MMP16: variants seen among roughly 807,000 people sequenced by gnomAD.
The protein encoded by MMP16 is matrix metallopeptidase 16.
Under a neutral mutation model 67.8 loss-of-function variants are expected in MMP16, and 12 were observed. That is an observed-to-expected ratio of 0.18 (90% CI 0.11 to 0.29). The LOEUF is 0.29. Ranked by LOEUF, MMP16 falls within the 10% of genes least tolerant of loss-of-function variation. MMP16 has a pLI of 1.00. For missense variants in MMP16, 475 were observed against 765.7 expected, an observed-to-expected ratio of 0.62 and a Z score of 4.48; for synonymous variants, 249 against 255.9, an observed-to-expected ratio of 0.97 and a Z score of 0.26.
At chr8:88,174,464 T>C (rs941793295) in intron 3 of MMP16, among the ~76,000 whole-genome samples, 12 of 152,222 alleles carry the variant, frequency 7.9e-5, no homozygotes, top group Non-Finnish European at 1.0e-4. Flanking sequence ...TTAATGAATT[T>C]ATTCAACAAC....
intron 6 of MMP16, among the ~76,000 whole-genome samples, chr8:88,115,172 A>G (rs920309197): frequency 6.6e-6 from 1 of 152,080 alleles, no homozygotes; most frequent in African/African-American, 2.4e-5. Flanking sequence ...AAAGCCTGCA[A>G]TGTTGAAATT....
In MMP16 at chr8:88,106,233, T is replaced by C. The variant is rs555988181; in HGVS notation, c.1083+10274A>G. On this transcript the variant is annotated intron_variant, in intron 6 of 9. Coordinates refer to ENST00000286614, the MANE Select transcript of MMP16 (RefSeq NM_005941.5). The stretch of plus-strand genomic sequence containing the variant: ...ATCTGGGTATGAGTGTGTATCTGGG[T>C]ATACATAGGAATCTGGGTATAAGTA... Among the ~76,000 whole-genome samples the C allele has an allele frequency of 5.9e-5, 9 of 151,284 alleles. 1 individual carries two copies. The South Asian group carries it at 1.7e-3, about 28-fold the overall frequency.
intron 1 of MMP16, 197 bp downstream of exon 1, chr8:88,326,878 G>T: frequency 1.8e-6 from 1 of 560,966 alleles, no homozygotes; most frequent in Admixed American, 3.1e-5. Context: ...TGTGCTGCCG[G>T]GGATAACGGA....
rs140813625 is a variant in MMP16, at chr8:88,076,483, A to G, written c.1084-1740T>C. 3.2e-4 allele frequency among the ~76,000 whole-genome samples: 48 copies of G among 152,268 alleles called. No homozygotes were observed. In the East Asian group the frequency reaches 6.4e-3, roughly 20 times the overall value. On this transcript the variant is annotated intron_variant, in intron 6 of 9. Coordinates refer to ENST00000286614, the MANE Select transcript of MMP16 (RefSeq NM_005941.5). ...ACGTATCTCATTCCAACCAATTTGTAAAAAATGTTTTTCTCCTTTTCTTGA... is the reference window on the plus strand; with the variant it reads ...ACGTATCTCATTCCAACCAATTTGTGAAAAATGTTTTTCTCCTTTTCTTGA...
At chr8:88,297,170 T>C (rs1023445164) in intron 1 of MMP16, among the ~76,000 whole-genome samples, 2 of 152,128 alleles carry the variant, frequency 1.3e-5, no homozygotes, top group African/African-American at 4.8e-5. Flanking sequence ...ACACTCCACA[T>C]GCATACTCAG....
chr8:88,277,870 C>T (rs553857233), intron 1 of MMP16, among the ~76,000 whole-genome samples: 7 of 152,286 alleles, frequency 4.6e-5, no homozygotes, highest in Admixed American at 3.9e-4. Flanking sequence ...CAGGTCTGCC[C>T]TACCTCAACA....
intron 4 of MMP16, among the ~76,000 whole-genome samples, chr8:88,123,816 T>C (rs1400567715): frequency 6.6e-6 from 1 of 151,708 alleles, no homozygotes; most frequent in East Asian, 2.0e-4. Context: ...CTTGGGTGGA[T>C]TTTCACGCAT....
At chr8:88,253,814 T>C (rs1225734798) in intron 1 of MMP16, among the ~76,000 whole-genome samples, 1 of 152,060 alleles carries the variant, frequency 6.6e-6, no homozygotes, top group Admixed American at 6.6e-5. Flanking sequence ...ATCATTTTAA[T>C]GCAAACTAAT....
intron 1 of MMP16, among the ~76,000 whole-genome samples, chr8:88,250,168 C>A (rs1232775709): frequency 6.6e-6 from 1 of 151,918 alleles, no homozygotes; most frequent in South Asian, 2.1e-4. Context: ...ATTCTCAGTA[C>A]CCAAAATGTT....
chr8:88,217,423 T>G (rs1284999256), intron 1 of MMP16, among the ~76,000 whole-genome samples: 1 of 152,102 alleles, frequency 6.6e-6, no homozygotes, highest in African/African-American at 2.4e-5. Context: ...AAATCTATAT[T>G]CATTCCCATA....
At chr8:88,182,952 G>GA in intron 3 of MMP16, among the ~76,000 whole-genome samples, 1 of 151,770 alleles carries the variant, frequency 6.6e-6, no homozygotes, top group Non-Finnish European at 1.5e-5. Flanking sequence ...AAGCCAGTCT[G>GA]AAAAAAAGCT....
intron 4 of MMP16, among the ~76,000 whole-genome samples, chr8:88,147,742 T>C (rs1563545472): frequency 6.6e-6 from 1 of 151,758 alleles, no homozygotes; most frequent in Non-Finnish European, 1.5e-5. Flanking sequence ...AAAAATCCTC[T>C]CTTTGGTCCA....
At chr8:88,142,760 T>A (rs1016023826) in intron 4 of MMP16, among the ~76,000 whole-genome samples, 1 of 152,182 alleles carries the variant, frequency 6.6e-6, no homozygotes, top group African/African-American at 2.4e-5. Flanking sequence ...CATATTTAAC[T>A]TGTTTAAATG....
intron 1 of MMP16, among the ~76,000 whole-genome samples, chr8:88,247,283 T>C (rs891368291): frequency 2.0e-5 from 3 of 152,176 alleles, no homozygotes; most frequent in East Asian, 3.9e-4. Flanking sequence ...AACTCAAGTA[T>C]AAATATTCCA....
At chr8:88,255,160 T>C (rs1398067290) in intron 1 of MMP16, among the ~76,000 whole-genome samples, 1 of 152,152 alleles carries the variant, frequency 6.6e-6, no homozygotes, top group Non-Finnish European at 1.5e-5. Context: ...CCCTCATGAA[T>C]GTCTTGTTGC....
At chr8:88,155,199 AT>A (rs1215447055) in intron 4 of MMP16, among the ~76,000 whole-genome samples, 58 of 152,216 alleles carry the variant, frequency 3.8e-4, no homozygotes, top group African/African-American at 1.3e-3. Context: ...AGGACACATG[AT>A]TTCTAAAACA....
At chr8:88,322,846 G>T (rs1232148632) in intron 1 of MMP16, among the ~76,000 whole-genome samples, 1 of 151,984 alleles carries the variant, frequency 6.6e-6, no homozygotes, top group Non-Finnish European at 1.5e-5. Flanking sequence ...GAGTGATCCG[G>T]CCCAGGCAAC....
intron 1 of MMP16, among the ~76,000 whole-genome samples, chr8:88,235,071 A>C (rs901592112): frequency 1.3e-5 from 2 of 152,158 alleles, no homozygotes; most frequent in African/African-American, 2.4e-5. Context: ...TTTCAGGATC[A>C]CTGACACAGA....
At chr8:88,181,802 T>TA (rs1319558464) in intron 3 of MMP16, among the ~76,000 whole-genome samples, 2 of 152,030 alleles carry the variant, frequency 1.3e-5, no homozygotes, top group Non-Finnish European at 2.9e-5. Context: ...CATAGGGTGA[T>TA]ATTGGATTAA....
Sources: allele counts gnomAD v4.1 joint callset (sites outside exome capture counted in the v4.1 genomes callset), GRCh38; gene constraint gnomAD v4.1.1; transcripts MANE v1.5; gene names NCBI Gene and HGNC (gene_info 2026-07-23, HGNC 2026-07-21).